Variants in DYM observed in about 807,000 individuals in gnomAD.
DYM encodes dymeclin.
Under a neutral mutation model 93.1 loss-of-function variants are expected in DYM, and 78 were observed. That is an observed-to-expected ratio of 0.84 (90% confidence interval 0.70 to 1.01). DYM has a LOEUF of 1.01. Among genes scored for constraint, DYM ranks in the 50% least tolerant of loss-of-function variants. The pLI, the probability that DYM is intolerant of heterozygous loss-of-function variation, is 0.00. For missense variants in DYM, 789 were observed against 845.0 expected, an observed-to-expected ratio of 0.93 and a Z score of 0.82; for synonymous variants, 321 against 319.7, an observed-to-expected ratio of 1.00 and a Z score of -0.04.
chr18:49,357,846 A>G (rs558754793), intron 6 of DYM, among the ~76,000 whole-genome samples: 106 of 152,312 alleles, frequency 7.0e-4, no homozygotes, highest in African/African-American at 2.5e-3. Context: ...AAGAGTAGTG[A>G]AAAGTGTTAA....
intron 10 of DYM, among the ~76,000 whole-genome samples, chr18:49,279,295 A>G (rs1170229807): frequency 6.6e-6 from 1 of 152,248 alleles, no homozygotes; most frequent in Non-Finnish European, 1.5e-5. Flanking sequence ...TTTACACACA[A>G]TAAGGTATTT....
At chr18:49,073,004 C>G (rs2077011480) in intron 17 of DYM, among the ~76,000 whole-genome samples, 1 of 152,152 alleles carries the variant, frequency 6.6e-6, no homozygotes, top group Non-Finnish European at 1.5e-5. Context: ...CAACCAAAAA[C>G]AAAATATCCT....
At position 49,333,734 on chromosome 18, in the gene DYM, C is replaced by T. The variant is rs756404813; in HGVS notation, c.614G>A (p.Gly205Asp). The change falls in exon 7 of 18, where the codon GGT (glycine) becomes GAT (aspartate). Residue 205 changes from glycine to aspartate, a missense_variant. By Grantham distance (94) the Gly-to-Asp change is moderately conservative. Around this residue, in one of 3 missense-constraint regions of DYM, gnomAD observed 450 missense variants for 436.2 expected, o/e 1.03. Coordinates refer to ENST00000675505, the MANE Select transcript of DYM (RefSeq NM_001353214.3). ...ACTTAAAGTAGAAACATACCATGGA[C>T]CTCGCATCAAATACTTGTGGCTGAT... ...QSISHKYLMR[G>D]PCLPYTSKLV... 6.2e-6 allele frequency: 10 copies of T among 1,613,840 alleles called. No homozygotes were observed. Among genetic ancestry groups the T allele is most frequent in the Middle Eastern group, 1.7e-4 (1 of 6,054 alleles).
chr18:49,117,797 G>A (rs750146689), intron 16 of DYM, among the ~76,000 whole-genome samples: 8 of 152,148 alleles, frequency 5.3e-5, no homozygotes, highest in Non-Finnish European at 8.8e-5. Flanking sequence ...GCTCTCCTTT[G>A]GTTAAGCCTG....
Position 49,313,462 on chromosome 18 carries a change from C to CAAAAAAAAAAAAAAA in DYM, c.763+18387_763+18401dup, listed in dbSNP as rs60775305. Among the ~76,000 whole-genome samples, 11 of 28,564 alleles carry CAAAAAAAAAAAAAAA rather than the reference C, an allele frequency of 3.9e-4. 3 individuals are homozygous for CAAAAAAAAAAAAAAA. The highest frequency in any genetic ancestry group is 1.9e-3 in the East Asian group (3 of 1,598). The allele number at this position is 28,564 out of a possible 152,430, so 18.7% of individuals were successfully genotyped here. A position where few individuals can be genotyped will look rare whatever the true frequency, so the allele number is the denominator to read the frequency against. ...TCGGCAACAGAGCAAGACTCTGTCA[C>CAAAAAAAAAAAAAAA]AAAAAAAAAAAAAAAAAAAAAAAAA... On this transcript the variant is annotated intron_variant, in intron 8 of 17. Coordinates refer to ENST00000675505, the MANE Select transcript of DYM (RefSeq NM_001353214.3).
At chr18:49,322,561 A>G (rs1046756661) in intron 8 of DYM, among the ~76,000 whole-genome samples, 3 of 152,096 alleles carry the variant, frequency 2.0e-5, no homozygotes, top group East Asian at 3.9e-4. Context: ...AATTTTCAAC[A>G]TATTTCTTTC....
intron 6 of DYM, among the ~76,000 whole-genome samples, chr18:49,360,184 G>A (rs1227711272): frequency 6.6e-6 from 1 of 150,692 alleles, no homozygotes; most frequent in Non-Finnish European, 1.5e-5. Flanking sequence ...ATTGTGTTTG[G>A]AGCCAATTTA....
chr18:49,060,666 G>T, intron 17 of DYM, among the ~76,000 whole-genome samples: 1 of 73,006 alleles, frequency 1.4e-5, no homozygotes, highest in Admixed American at 1.3e-4. Flanking sequence ...GGGGAGAGGA[G>T]GAGAGGGGAA....
At position 49,161,108 on chromosome 18, in the gene DYM, T is replaced by C. The variant is rs1238902006; in HGVS notation, c.1728+2577A>G. Among the ~76,000 whole-genome samples, 2 of 151,678 alleles carry C rather than the reference T, an allele frequency of 1.3e-5. 1 individual carries two copies. The highest frequency in any genetic ancestry group is 4.2e-4 in the South Asian group (2 of 4,798). Reference sequence around the variant, plus strand: ...TTAAGAAAAAAAAAAAAAAGGATTGTCAATGACAGATTCCAAATGGAATTT... The same window carrying C: ...TTAAGAAAAAAAAAAAAAAGGATTGCCAATGACAGATTCCAAATGGAATTT... On this transcript the variant is annotated intron_variant, in intron 15 of 17. Coordinates refer to ENST00000675505, the MANE Select transcript of DYM (RefSeq NM_001353214.3).
intron 14 of DYM, among the ~76,000 whole-genome samples, chr18:49,176,116 A>G (rs531306910): frequency 6.6e-6 from 1 of 152,306 alleles, no homozygotes; most frequent in Non-Finnish European, 1.5e-5. Flanking sequence ...AAACTCAGGA[A>G]TTGAATTTCC....
At chr18:49,121,255 A>T (rs2082352712) in intron 15 of DYM, among the ~76,000 whole-genome samples, 1 of 152,212 alleles carries the variant, frequency 6.6e-6, no homozygotes, top group Admixed American at 6.5e-5. Context: ...GCAGTGAAGA[A>T]TGCCTTAAAT....
intron 17 of DYM, among the ~76,000 whole-genome samples, chr18:49,060,464 T>C (rs2075858870): frequency 1.3e-5 from 2 of 151,770 alleles, no homozygotes; most frequent in South Asian, 4.2e-4. Flanking sequence ...ATTACCTGTA[T>C]ATTTCCTACA....
intron 13 of DYM, among the ~76,000 whole-genome samples, chr18:49,236,140 C>A (rs1262845799): frequency 6.6e-6 from 1 of 152,140 alleles, no homozygotes; most frequent in Admixed American, 6.5e-5. Flanking sequence ...AATTCTCCCT[C>A]TTATATGAGA....
intron 17 of DYM, among the ~76,000 whole-genome samples, chr18:49,057,795 A>C (rs2075626705): frequency 6.6e-6 from 1 of 152,376 alleles, no homozygotes. Flanking sequence ...GAATGGTATC[A>C]TGGAGGGAAA....
intron 8 of DYM, among the ~76,000 whole-genome samples, chr18:49,315,388 C>A (rs750896662): frequency 6.6e-6 from 1 of 152,120 alleles, no homozygotes; most frequent in African/African-American, 2.4e-5. Flanking sequence ...ATAGGCATGG[C>A]AACATCCGTA....
At chr18:49,302,132 G>C (rs1441424510) in intron 8 of DYM, among the ~76,000 whole-genome samples, 2 of 152,158 alleles carry the variant, frequency 1.3e-5, no homozygotes, top group African/African-American at 4.8e-5. Context: ...AAAAAGCTCT[G>C]TTAGCCATTT....
chr18:49,356,512 C>CA (rs1268754756), intron 6 of DYM, among the ~76,000 whole-genome samples: 29 of 152,266 alleles, frequency 1.9e-4, no homozygotes, highest in Admixed American at 5.9e-4. Context: ...AGTCACCCCC[C>CA]AACCCTACCC....
intron 11 of DYM, among the ~76,000 whole-genome samples, chr18:49,270,901 C>T (rs560698405): frequency 6.6e-6 from 1 of 152,008 alleles, no homozygotes; most frequent in Admixed American, 6.6e-5. Flanking sequence ...AGAGTGAAAG[C>T]CCTGCCCCCT....
rs1415939684 is a variant in DYM at position 49,440,443 on chromosome 18, CTATA to C, written c.-53-10000_-53-9997del. ...TAATATATATTTAGGAGTAAAGTGA[CTATA>C]TATTATATATTTATATAATATATGA... On this transcript the variant is annotated intron_variant, in intron 1 of 17. Transcript: ENST00000675505. Among the ~76,000 whole-genome samples the C allele has an allele frequency of 5.4e-5, 5 of 92,448 alleles. 1 individual carries two copies. Among genetic ancestry groups the C allele is most frequent in the South Asian group, 3.6e-4 (1 of 2,804 alleles). 60.6% of individuals were successfully genotyped at this position (92,448 alleles called of 152,430 possible).
Sources: allele counts gnomAD v4.1 joint callset (sites outside exome capture counted in the v4.1 genomes callset), GRCh38; gene constraint gnomAD v4.1.1; regional missense constraint gnomAD v4.1.1; transcripts MANE v1.5; gene names NCBI Gene and HGNC (gene_info 2026-07-23, HGNC 2026-07-21).